DCC: variants seen among roughly 807,000 people sequenced by gnomAD.
DCC encodes the protein netrin receptor DCC.
In DCC, 58 loss-of-function variants were observed where a neutral mutation model predicts 172.5. The observed-to-expected ratio is 0.34, with a 90% CI of 0.27 to 0.42. The LOEUF (loss-of-function observed/expected upper bound fraction) is 0.42, where lower values mean the gene tolerates loss of function less well. DCC is among the 10% of genes least tolerant of loss of function. DCC has a pLI of 1.00. For missense variants in DCC, 1,740 were observed against 1,791.0 expected (o/e 0.97, Z 0.51); for synonymous variants, 709 against 644.5 (o/e 1.10, Z -1.52).
intron 5 of DCC, among the ~76,000 whole-genome samples, chr18:52,991,720 C>T (rs2041394910): frequency 6.6e-6 from 1 of 152,130 alleles, no homozygotes; most frequent in African/African-American, 2.4e-5. Flanking sequence ...GTTATTTTAT[C>T]TTTATGGTAA....
chr18:53,511,628 C>A (rs943873750), intron 27 of DCC, among the ~76,000 whole-genome samples: 1 of 152,166 alleles, frequency 6.6e-6, no homozygotes, highest in Non-Finnish European at 1.5e-5. Flanking sequence ...CAAAGCAGGG[C>A]GAGGCATTGC....
chr18:53,032,880 C>T (rs2042044137), intron 5 of DCC, among the ~76,000 whole-genome samples: 1 of 152,084 alleles, frequency 6.6e-6, no homozygotes, highest in South Asian at 2.1e-4. Flanking sequence ...TGGTGACTCT[C>T]CCAGAAAACT....
chr18:52,756,092 GGGCTATTAA>G (rs1204683387), intron 2 of DCC, among the ~76,000 whole-genome samples: 1 of 152,140 alleles, frequency 6.6e-6, no homozygotes, highest in Non-Finnish European at 1.5e-5. Flanking sequence ...AAGAATACCT[GGGCTATTAA>G]GCCTCCATTT....
chr18:53,303,269 C>A (rs1490976984), intron 12 of DCC, among the ~76,000 whole-genome samples: 2 of 152,092 alleles, frequency 1.3e-5, no homozygotes, highest in Non-Finnish European at 2.9e-5. Flanking sequence ...TAATAAGTTT[C>A]TAAAAATCTT....
chr18:53,391,509 A>AT (rs1259442427), intron 16 of DCC, 146 bp from the exon 17 acceptor site: 4 of 660,572 alleles, frequency 6.1e-6, no homozygotes, highest in East Asian at 5.4e-5. Flanking sequence ...AATTAATTAC[A>AT]TTTTTTTCTG....
chr18:52,597,515 T>A (rs1145298), intron 1 of DCC, among the ~76,000 whole-genome samples: 1 of 57,428 alleles, frequency 1.7e-5, no homozygotes, highest in Admixed American at 1.6e-4. Context: ...GTTTAAGCAA[T>A]TTTTTTCTGT....
At chr18:53,246,954 G>A (rs1183496082) in intron 12 of DCC, among the ~76,000 whole-genome samples, 1 of 151,968 alleles carries the variant, frequency 6.6e-6, no homozygotes, top group African/African-American at 2.4e-5. Context: ...ATGATGGTTG[G>A]GTTTCATATA....
intron 15 of DCC, among the ~76,000 whole-genome samples, chr18:53,379,237 T>C (rs1243690595): frequency 1.3e-5 from 2 of 152,234 alleles, no homozygotes; most frequent in African/African-American, 4.8e-5. Flanking sequence ...AATTGACTTG[T>C]TGGCAGTGCT....
chr18:52,468,348 G>A (rs1988848207), intron 1 of DCC, among the ~76,000 whole-genome samples: 1 of 152,208 alleles, frequency 6.6e-6, no homozygotes, highest in South Asian at 2.1e-4. Flanking sequence ...TAGAGCACAA[G>A]GAGCAGAGAC....
intron 8 of DCC, among the ~76,000 whole-genome samples, chr18:53,167,277 T>G (rs930726225): frequency 6.6e-6 from 1 of 152,284 alleles, no homozygotes; most frequent in East Asian, 1.9e-4. Flanking sequence ...AGAAGCAGAA[T>G]CATGTTTAAT....
chr18:52,547,811 T>C (rs1202487700), intron 1 of DCC, among the ~76,000 whole-genome samples: 2 of 152,092 alleles, frequency 1.3e-5, no homozygotes, highest in Admixed American at 6.6e-5. Context: ...TCGGGACACA[T>C]TTTTGGTAAA....
intron 1 of DCC, among the ~76,000 whole-genome samples, chr18:52,751,103 C>T (rs986005556): frequency 3.3e-5 from 5 of 152,028 alleles, no homozygotes; most frequent in African/African-American, 1.2e-4. Context: ...AACAAGATAC[C>T]GAGGGACATT....
intron 21 of DCC, among the ~76,000 whole-genome samples, chr18:53,418,067 T>G (rs1034005883): frequency 5.7e-4 from 87 of 152,264 alleles, no homozygotes; most frequent in African/African-American, 2.0e-3. Flanking sequence ...AGTCAGTTGT[T>G]CTTTTTCTTC....
intron 12 of DCC, among the ~76,000 whole-genome samples, chr18:53,284,978 G>A (rs145480471): frequency 0.046 from 7,059 of 152,150 alleles, 571 homozygotes; most frequent in African/African-American, 0.16. Context: ...AGATGATTTA[G>A]GGTATCTGGT....
At chr18:52,726,319 T>C (rs779427049) in intron 1 of DCC, among the ~76,000 whole-genome samples, 12 of 152,176 alleles carry the variant, frequency 7.9e-5, no homozygotes, top group Admixed American at 7.9e-4. Context: ...ATCCAGCAAT[T>C]TGCCTCCTCC....
chr18:52,896,477 TAAG>T (rs1384085933), intron 2 of DCC, among the ~76,000 whole-genome samples: 2 of 152,158 alleles, frequency 1.3e-5, no homozygotes, highest in Non-Finnish European at 2.9e-5. Flanking sequence ...GTACCTTCTG[TAAG>T]AAGGACTTCA....
At chr18:52,382,002 T>G (rs559219056) in intron 1 of DCC, among the ~76,000 whole-genome samples, 1 of 152,276 alleles carries the variant, frequency 6.6e-6, no homozygotes, top group South Asian at 2.1e-4. Flanking sequence ...TGCCTCTTAG[T>G]TCCTTAAGGA....
intron 1 of DCC, among the ~76,000 whole-genome samples, chr18:52,343,948 T>TC (rs72532238): frequency 2.0e-5 from 3 of 152,068 alleles, no homozygotes; most frequent in African/African-American, 7.2e-5. Flanking sequence ...AAATCACCAG[T>TC]ACCTGTCAGT....
intron 15 of DCC, among the ~76,000 whole-genome samples, chr18:53,360,384 G>A (rs1190295699): frequency 6.6e-6 from 1 of 152,034 alleles, no homozygotes; most frequent in Non-Finnish European, 1.5e-5. Context: ...TATTTAGTTA[G>A]CATAATCATT....
Sources: gnomAD v4.1 joint callset for allele counts (sites outside exome capture counted in the v4.1 genomes callset) on GRCh38, gnomAD v4.1.1 for gene constraint, MANE v1.5 for transcripts, NCBI Gene and HGNC (gene_info 2026-07-23, HGNC 2026-07-21) for gene names.